Variants in PPFIBP1 observed in about 807,000 individuals in gnomAD.
The protein encoded by PPFIBP1 is liprin-beta-1.
In PPFIBP1, 112 loss-of-function variants were observed where a neutral mutation model predicts 137.8. The ratio of observed to expected loss-of-function variants is 0.81; its 90% CI spans 0.70 to 0.95. The LOEUF (loss-of-function observed/expected upper bound fraction) is 0.95, where lower values mean the gene tolerates loss of function less well. Ranked by LOEUF, PPFIBP1 falls within the 40% of genes least tolerant of loss-of-function variation. The pLI, the probability that PPFIBP1 is intolerant of heterozygous loss-of-function variation, is 0.00. For synonymous variants in PPFIBP1, 378 were observed against 417.3 expected (o/e 0.91, Z 1.15); for missense variants, 1,083 against 1,196.6 (o/e 0.91, Z 1.40).
At chr12:27,610,747 T>G (rs372311427) in intron 2 of PPFIBP1, among the ~76,000 whole-genome samples, 11 of 152,364 alleles carry the variant, frequency 7.2e-5, no homozygotes, top group Middle Eastern at 3.4e-3. Flanking sequence ...GCCAGGATCC[T>G]AGCATGAACC....
At chr12:27,666,042 G>A (rs148272733) in intron 12 of PPFIBP1, among the ~76,000 whole-genome samples, 103 of 152,222 alleles carry the variant, frequency 6.8e-4, no homozygotes, top group African/African-American at 2.2e-3. Context: ...CAATTCTTAC[G>A]TTTAAAACCA....
intron 1 of PPFIBP1, among the ~76,000 whole-genome samples, chr12:27,553,408 C>T (rs1946977016): frequency 1.3e-5 from 2 of 152,064 alleles, no homozygotes; most frequent in Non-Finnish European, 2.9e-5. Flanking sequence ...TTGCCCCTGC[C>T]CCGCAGGAGC....
chr12:27,617,500 T>G (rs1245691893), intron 2 of PPFIBP1, among the ~76,000 whole-genome samples: 2 of 152,170 alleles, frequency 1.3e-5, no homozygotes, highest in Non-Finnish European at 2.9e-5. Context: ...AATTGTCCCT[T>G]GGTATCCATG....
At chr12:27,621,049 G>A (rs1369478314) in intron 2 of PPFIBP1, among the ~76,000 whole-genome samples, 1 of 152,054 alleles carries the variant, frequency 6.6e-6, no homozygotes. Context: ...AATAAATATT[G>A]TGTAATCAAT....
At position 27,658,798 on chromosome 12, in the gene PPFIBP1, A is replaced by G. The variant is rs774797236; in HGVS notation, c.812-18A>G. 6 of 1,608,212 alleles carry G rather than the reference A, an allele frequency of 3.7e-6. No individual in the cohort carries two copies. The highest frequency in any genetic ancestry group is 2.2e-5 in the South Asian group (2 of 90,678). ...GTAATGTATGCTAACTTCCAATCCA[A>G]TGGGTTTTCCTGCACAGATGAAAAT... On this transcript the variant is annotated intron_variant, in intron 9 of 29. Transcript: ENST00000228425.
At chr12:27,674,044 A>G in intron 16 of PPFIBP1, 148 bp from the exon 17 acceptor site, 1 of 831,448 alleles carries the variant, frequency 1.2e-6, no homozygotes, top group Non-Finnish European at 1.9e-6. Context: ...GACTTTAATA[A>G]AACATTTTGG....
At chr12:27,541,218 G>C (rs544427483) in intron 1 of PPFIBP1, among the ~76,000 whole-genome samples, 2 of 151,662 alleles carry the variant, frequency 1.3e-5, no homozygotes, top group Non-Finnish European at 2.9e-5. Context: ...CACCCACTAT[G>C]TATCATGGGA....
intron 1 of PPFIBP1, among the ~76,000 whole-genome samples, chr12:27,535,961 A>G (rs1186110432): frequency 6.6e-6 from 1 of 152,136 alleles, no homozygotes; most frequent in African/African-American, 2.4e-5. Flanking sequence ...TTTCAGCATA[A>G]GTGGTTGGCT....
At chr12:27,541,073 C>T (rs924173806) in intron 1 of PPFIBP1, among the ~76,000 whole-genome samples, 2 of 152,198 alleles carry the variant, frequency 1.3e-5, no homozygotes, top group Admixed American at 1.3e-4. Flanking sequence ...TCCAACTTTC[C>T]TCTGTCTATA....
intron 26 of PPFIBP1, among the ~76,000 whole-genome samples, 174 bp from the exon 27 acceptor site, chr12:27,688,841 G>A (rs1341432471): frequency 6.6e-6 from 1 of 152,124 alleles, no homozygotes; most frequent in Non-Finnish European, 1.5e-5. Context: ...TGGGAGAAAT[G>A]GAGAAAAGAT....
rs116760973 is a variant in PPFIBP1, at chr12:27,585,108, C to T, written c.-36+6869C>T. On this transcript the variant is annotated intron_variant, in intron 2 of 29. Transcript: ENST00000228425. Reference sequence around the variant, plus strand: ...TGACACAGAGGTTATGTATCATGCTCATTTTCGTGCACAGCCCCTGGCACG... The same window carrying T: ...TGACACAGAGGTTATGTATCATGCTTATTTTCGTGCACAGCCCCTGGCACG... Among the ~76,000 whole-genome samples, 444 of 152,332 alleles carry T rather than the reference C, an allele frequency of 2.9e-3. 2 individuals carry two copies. The highest frequency in any genetic ancestry group is 0.01 in the African/African-American group (418 of 41,568).
intron 4 of PPFIBP1, chr12:27,637,258 C>T (rs998094938): frequency 6.6e-6 from 1 of 152,012 alleles, no homozygotes; most frequent in African/African-American, 2.4e-5. Flanking sequence ...ATGCCTGGCT[C>T]AGTAGTTATA....
chr12:27,570,509 G>A (rs10771345), intron 1 of PPFIBP1, among the ~76,000 whole-genome samples: 51,427 of 151,968 alleles, frequency 0.34, 10,432 homozygotes, highest in African/African-American at 0.56. Context: ...AAATTATAAA[G>A]TACAGATAAA....
chr12:27,536,691 G>A (rs1194186856), intron 1 of PPFIBP1, among the ~76,000 whole-genome samples: 4 of 152,126 alleles, frequency 2.6e-5, no homozygotes, highest in East Asian at 1.9e-4. Flanking sequence ...ATATCACATC[G>A]TTCTCCTCTG....
chr12:27,546,847 C>T (rs947817909), intron 1 of PPFIBP1, among the ~76,000 whole-genome samples: 1 of 152,028 alleles, frequency 6.6e-6, no homozygotes. Flanking sequence ...AACCCCATCT[C>T]TACAAAAAAT....
chr12:27,548,300 C>G (rs1946424206), intron 1 of PPFIBP1: 1 of 152,164 alleles, frequency 6.6e-6, no homozygotes, highest in Admixed American at 6.5e-5. Flanking sequence ...GAGTGAGGCA[C>G]ACAAACTCAG....
intron 2 of PPFIBP1, among the ~76,000 whole-genome samples, chr12:27,628,057 A>G (rs924400904): frequency 6.6e-6 from 1 of 152,124 alleles, no homozygotes; most frequent in Non-Finnish European, 1.5e-5. Context: ...GTAGTGATTA[A>G]TGTATTTCCT....
Position 27,654,614 on chromosome 12 carries a change from T to G in PPFIBP1, c.604-108T>G. Reference sequence around the variant, plus strand: ...TTGTCTCATCTGATTCATACAACTTTAACCCTAGGAGCTGGTGACTTCTTA... The same window carrying G: ...TTGTCTCATCTGATTCATACAACTTGAACCCTAGGAGCTGGTGACTTCTTA... On this transcript the variant is annotated intron_variant, in intron 7 of 29. Transcript: ENST00000228425. The G allele has an allele frequency of 7.3e-6, 10 of 1,377,250 alleles. No individual in the cohort carries two copies. The South Asian group carries it at 1.9e-4, about 26-fold the overall frequency. 85.3% of individuals were successfully genotyped at this position (1,377,250 alleles called of 1,614,324 possible). A position where few individuals can be genotyped will look rare whatever the true frequency, so the allele number is the denominator to read the frequency against.
Position 27,590,877 on chromosome 12 carries a change from G to A in PPFIBP1, c.-36+12638G>A, listed in dbSNP as rs555321327. 1.2e-3 allele frequency among the ~76,000 whole-genome samples: 181 copies of A among 152,300 alleles called. 1 individual carries two copies. Among genetic ancestry groups the A allele is most frequent in the African/African-American group, 4.2e-3 (176 of 41,564 alleles). On this transcript the variant is annotated intron_variant, in intron 2 of 29. Coordinates refer to ENST00000228425, the MANE Select transcript of PPFIBP1 (RefSeq NM_003622.4). ...TTACTAGATGTGGTAGACATGCCAA[G>A]TTTGGGTAGGAGGTATATGGGTTAG...
Sources: gnomAD v4.1 joint callset for allele counts (sites outside exome capture counted in the v4.1 genomes callset) on GRCh38, gnomAD v4.1.1 for gene constraint, MANE v1.5 for transcripts, NCBI Gene and HGNC (gene_info 2026-07-23, HGNC 2026-07-21) for gene names.